Variants in STAMBP observed in about 807,000 individuals in gnomAD.
STAMBP encodes the protein STAM binding protein.
STAMBP carries 31 observed loss-of-function variants against 50.7 expected under a neutral mutation model. That is an observed-to-expected ratio of 0.61 (90% confidence interval 0.46 to 0.83). STAMBP has a LOEUF of 0.83. STAMBP is among the 40% of genes least tolerant of loss of function. STAMBP has a pLI of 0.00. For missense variants in STAMBP, 472 were observed against 518.9 expected, an observed-to-expected ratio of 0.91 and a Z score of 0.88; for synonymous variants, 211 against 192.4, an observed-to-expected ratio of 1.10 and a Z score of -0.80.
rs766778034 is a variant in STAMBP at position 73,859,358 on chromosome 2, G to C, written c.1110G>C (p.Lys370Asn). 8.7e-6 allele frequency: 14 copies of C among 1,613,736 alleles called. No homozygotes were observed. In the Admixed American group the frequency reaches 1.0e-4, roughly 12 times the overall value. ...CAGTAGCCATTGTTTGCTCCCCCAA[G>C]TTCCAGGAGTGAGTATAGAGGGCAT... ...PESVAIVCSPKFQETGFFKLT... is the reference protein window; with the variant it reads ...PESVAIVCSPNFQETGFFKLT... Residue 370 changes from lysine (K) to asparagine (N), a missense_variant, in exon 8 of 10, where the codon AAG (lysine) becomes AAC (asparagine). By Grantham distance (94) the Lys-to-Asn change is moderately conservative. Transcript: ENST00000394070.
intron 2 of STAMBP, among the ~76,000 whole-genome samples, chr2:73,835,964 G>C (rs1269671488): frequency 6.6e-6 from 1 of 152,102 alleles, no homozygotes; most frequent in East Asian, 1.9e-4. Flanking sequence ...GAAGTCATGA[G>C]AATGGCTGAG....
At chr2:73,854,992 T>C (rs968588381) in intron 7 of STAMBP, among the ~76,000 whole-genome samples, 1 of 152,174 alleles carries the variant, frequency 6.6e-6, no homozygotes, top group Admixed American at 6.5e-5. Context: ...GCGAAAACCC[T>C]ATCTCAAAAA....
intron 2 of STAMBP, among the ~76,000 whole-genome samples, chr2:73,844,086 C>T (rs891918937): frequency 9.2e-5 from 14 of 152,192 alleles, no homozygotes; most frequent in African/African-American, 3.1e-4. Flanking sequence ...TTTATTTTCA[C>T]TGCCCCTAAG....
intron 2 of STAMBP, among the ~76,000 whole-genome samples, chr2:73,836,427 A>T (rs966192733): frequency 2.0e-5 from 3 of 152,202 alleles, no homozygotes; most frequent in African/African-American, 7.2e-5. Context: ...GCTGCCCTCA[A>T]GGTGGGGTGG....
chr2:73,871,547 CAA>C (rs547524111), downstream of STAMBP, among the ~76,000 whole-genome samples: 9,316 of 89,044 alleles, frequency 0.1, 383 homozygotes, highest in African/African-American at 0.17. Flanking sequence ...GACTCCGTCT[CAA>C]AAAAAAAAAA....
intron 7 of STAMBP, chr2:73,855,739 A>G: frequency 4.4e-6 from 2 of 455,780 alleles, no homozygotes; most frequent in Non-Finnish European, 4.4e-6. Flanking sequence ...CAGTGAGCTC[A>G]TCACAGCACC....
intron 2 of STAMBP, 58 bp from the exon 3 acceptor site, chr2:73,844,755 A>T: frequency 1.4e-6 from 2 of 1,459,220 alleles, no homozygotes; most frequent in Non-Finnish European, 1.9e-6. Context: ...GCATAGCTTT[A>T]GGGTCTTATG....
chr2:73,844,262 A>T (rs1189837129), intron 2 of STAMBP, among the ~76,000 whole-genome samples: 1 of 152,246 alleles, frequency 6.6e-6, no homozygotes, highest in Non-Finnish European at 1.5e-5. Flanking sequence ...CACATACTAC[A>T]TGCATAGAAC....
chr2:73,839,991 T>C (rs1269218734), intron 2 of STAMBP, among the ~76,000 whole-genome samples: 1 of 152,244 alleles, frequency 6.6e-6, no homozygotes, highest in Non-Finnish European at 1.5e-5. Context: ...TGCCTCCTTC[T>C]TAATGATGAC....
chr2:73,866,437 A>G lies in STAMBP; in HGVS notation c.*4178A>G, dbSNP rs965274661. 5 of 152,364 alleles carry G rather than the reference A, an allele frequency of 3.3e-5. No homozygotes were observed. The highest frequency in any genetic ancestry group is 2.1e-4 in the South Asian group (1 of 4,830). 9.4% of individuals were successfully genotyped at this position (152,364 alleles called of 1,614,324 possible). ...AAGTCATGTTTCTGAACTATCGTAT[A>G]AATTTCATTAGGGTAAGAATCATGT... On this transcript the variant is annotated 3_prime_UTR_variant, in exon 10 of 10. Transcript: ENST00000394070.
rs1678432159 is a variant in STAMBP at position 73,862,319 on chromosome 2, T to C, written c.*60T>C. ...ACCATATCAGTGTACTGTAGCCCCTTAATTTAAGCTTTCTAGAAAGCTTTG... is the reference window on the plus strand; with the variant it reads ...ACCATATCAGTGTACTGTAGCCCCTCAATTTAAGCTTTCTAGAAAGCTTTG... On this transcript the variant is annotated 3_prime_UTR_variant, in exon 10 of 10. Transcript: ENST00000394070. The C allele has an allele frequency of 2.1e-6, 3 of 1,462,646 alleles. No homozygotes were observed. Among genetic ancestry groups the C allele is most frequent in the African/African-American group, 2.9e-5 (2 of 69,716 alleles). 90.6% of individuals were successfully genotyped at this position (1,462,646 alleles called of 1,614,324 possible).
intron 2 of STAMBP, among the ~76,000 whole-genome samples, chr2:73,831,642 A>G (rs935004048): frequency 2.6e-5 from 4 of 151,878 alleles, no homozygotes; most frequent in African/African-American, 9.7e-5. Context: ...AACTTCTAAA[A>G]CTCCATTGAC....
At chr2:73,834,006 T>A (rs1674270815) in intron 2 of STAMBP, among the ~76,000 whole-genome samples, 1 of 149,698 alleles carries the variant, frequency 6.7e-6, no homozygotes, top group Non-Finnish European at 1.5e-5. Context: ...AGGTCAGGAG[T>A]TCAAGACAAG....
At chr2:73,847,140 C>T (rs551022063) in intron 4 of STAMBP, among the ~76,000 whole-genome samples, 40 of 150,002 alleles carry the variant, frequency 2.7e-4, no homozygotes, top group African/African-American at 9.6e-4. Flanking sequence ...GAGTCATTGT[C>T]GGGAGGGTAT....
rs781622271 is a variant in STAMBP at position 73,850,610 on chromosome 2, A to T, written c.1005+97A>T. 490 of 1,333,974 alleles carry T rather than the reference A, an allele frequency of 3.7e-4. No individual in the cohort carries two copies. Among genetic ancestry groups the T allele is most frequent in the Non-Finnish European group, 4.1e-4 (410 of 996,004 alleles). The allele number at this position is 1,333,974 out of a possible 1,614,324, so 82.6% of individuals were successfully genotyped here. Reference sequence around the variant, plus strand: ...TTTGAACAAAGTCAATTATATCCAGATTATTTATTGTTTTTCTCTCTTTTG... The same window carrying T: ...TTTGAACAAAGTCAATTATATCCAGTTTATTTATTGTTTTTCTCTCTTTTG... On this transcript the variant is annotated intron_variant, in intron 7 of 9. Coordinates refer to ENST00000394070, the MANE Select transcript of STAMBP (RefSeq NM_213622.4). The surrounding 1 kb of genome is among the most constrained non-coding windows in gnomAD (Gnocchi z 4.3).
At chr2:73,857,429 C>A (rs746991828) in intron 7 of STAMBP, among the ~76,000 whole-genome samples, 2 of 152,192 alleles carry the variant, frequency 1.3e-5, no homozygotes, top group East Asian at 3.9e-4. Context: ...CCCCCTTCCC[C>A]CTGAGTGCTC....
chr2:73,829,821 G>A (rs188326210), intron 1 of STAMBP, among the ~76,000 whole-genome samples: 1 of 152,354 alleles, frequency 6.6e-6, no homozygotes, highest in East Asian at 1.9e-4. Flanking sequence ...AAACTGGATA[G>A]ATAAATGAAA....
At chr2:73,832,084 CAT>C (rs67469518) in intron 2 of STAMBP, among the ~76,000 whole-genome samples, 1,943 of 118,328 alleles carry the variant, frequency 0.016, 119 homozygotes, top group African/African-American at 0.057. Flanking sequence ...GAGTAGGTAA[CAT>C]ATATATATAT....
At position 73,863,196 on chromosome 2, in the gene STAMBP, C is replaced by T. The variant is rs571859426; in HGVS notation, c.*937C>T. On this transcript the variant is annotated 3_prime_UTR_variant, in exon 10 of 10. Coordinates refer to ENST00000394070, the MANE Select transcript of STAMBP (RefSeq NM_213622.4). The stretch of plus-strand genomic sequence containing the variant: ...TTGTTTGGAGTACCAGGTTACACTC[C>T]AATAAATGATTACATTTCCCAGCCA... 6.6e-6 allele frequency: 1 copy of T among 152,306 alleles called. No homozygotes were observed. The highest frequency in any genetic ancestry group is 2.1e-4 in the South Asian group (1 of 4,820). 9.4% of individuals were successfully genotyped at this position (152,306 alleles called of 1,614,324 possible).
Sources: allele counts gnomAD v4.1 joint callset (sites outside exome capture counted in the v4.1 genomes callset), GRCh38; gene constraint gnomAD v4.1.1; non-coding constraint Gnocchi (gnomAD v3.1); transcripts MANE v1.5; gene names NCBI Gene and HGNC (gene_info 2026-07-23, HGNC 2026-07-21).